The following UVSSA variants were observed in gnomAD, a reference collection of about 807,000 sequenced individuals.
UVSSA encodes the protein UV stimulated scaffold protein A.
Under a neutral mutation model 73.9 loss-of-function variants are expected in UVSSA, and 72 were observed. The ratio of observed to expected loss-of-function variants is 0.97; its 90% CI spans 0.81 to 1.19. The LOEUF is 1.19. UVSSA is among the 50% of genes most tolerant of loss of function. The pLI is 0.00. For synonymous variants in UVSSA, 454 were observed against 391.3 expected (o/e 1.16, Z -1.89); for missense variants, 1,150 against 965.0 (o/e 1.19, Z -2.54).
chr4:1,349,040 G>GC (rs532133310), intron 2 of UVSSA, among the ~76,000 whole-genome samples: 44,218 of 139,500 alleles, frequency 0.32, 7,074 homozygotes, highest in Non-Finnish European at 0.39. Flanking sequence ...CAGGCGGTGT[G>GC]TGTTTGTGCC....
intron 7 of UVSSA, among the ~76,000 whole-genome samples, chr4:1,361,151 G>A (rs930763938): frequency 3.3e-5 from 5 of 152,312 alleles, no homozygotes; most frequent in Admixed American, 1.3e-4. Flanking sequence ...CTCTGGAATC[G>A]ACCTCCAGGT....
chr4:1,346,065 C>G (rs1244931063), upstream of UVSSA, among the ~76,000 whole-genome samples: 1 of 152,172 alleles, frequency 6.6e-6, no homozygotes, highest in Non-Finnish European at 1.5e-5. Context: ...TGGCTGCAAG[C>G]TAGGAGCTGG....
At chr4:1,385,690 C>A in intron 13 of UVSSA, 178 bp from the exon 14 acceptor site, 1 of 644,634 alleles carries the variant, frequency 1.6e-6, no homozygotes. Context: ...TGTCTCGGGC[C>A]AGGGCCAAGG....
downstream of UVSSA, chr4:1,389,300 A>T (rs1720346785): frequency 6.6e-6 from 1 of 152,124 alleles, no homozygotes; most frequent in African/African-American, 2.4e-5. Context: ...GGCCCAAGTG[A>T]TCCTCCCACC....
chr4:1,380,275 G>A (rs1451123567), intron 11 of UVSSA, 45 bp downstream of exon 11: 2 of 1,578,628 alleles, frequency 1.3e-6, no homozygotes, highest in Admixed American at 1.7e-5. Context: ...GGCTGGACCA[G>A]GTGGGGCAGC....
chr4:1,355,437 G>A (rs1265829534), intron 7 of UVSSA, among the ~76,000 whole-genome samples, 192 bp downstream of exon 7: 6 of 152,250 alleles, frequency 3.9e-5, no homozygotes, highest in African/African-American at 1.4e-4. Flanking sequence ...CATGGCAGAG[G>A]GGACAGTGCA....
chr4:1,353,118 G>A lies in UVSSA; in HGVS notation c.639G>A (p.Glu213=). Reference sequence around the variant, plus strand: ...CTTTTGACTTTGACCCGAACCCGGAGACGGAATCCCTTGGCATGGCTTCTG... The same window carrying A: ...CTTTTGACTTTGACCCGAACCCGGAAACGGAATCCCTTGGCATGGCTTCTG... ...LVPFDFDPNP[E]TESLGMASGM... is the part of the protein sequence containing the mutation. Residue 213 remains glutamate (E), a synonymous_variant, in exon 5 of 14, where the codon GAG becomes GAA. Transcript: ENST00000389851. The A allele has an allele frequency of 6.2e-7, 1 of 1,613,088 alleles. No individual in the cohort carries two copies. The highest frequency in any genetic ancestry group is 1.7e-5 in the Admixed American group (1 of 60,028).
chr4:1,393,243 T>C (rs528025073), exon 14 of UVSSA: 27 of 152,380 alleles, frequency 1.8e-4, no homozygotes, highest in African/African-American at 5.8e-4. Context: ...ATTTCAGTTA[T>C]TGTACTTTTC....
chr4:1,387,585 T>C lies in UVSSA; in HGVS notation c.*1624T>C, dbSNP rs565895788. 2.0e-5 allele frequency: 3 copies of C among 152,208 alleles called. No individual in the cohort carries two copies. Among genetic ancestry groups the C allele is most frequent in the Non-Finnish European group, 2.9e-5 (2 of 68,030 alleles). The allele number at this position is 152,208 out of a possible 1,614,324, so 9.4% of individuals were successfully genotyped here. ...CTAATAAGCATTTTATAATTTCAGC[T>C]CTTATGTGTAGATCTTTGATCCATT... On this transcript the variant is annotated 3_prime_UTR_variant, in exon 14 of 14. Transcript: ENST00000389851.
At chr4:1,365,967 A>C (rs1717265507) in intron 7 of UVSSA, 1 of 171,834 alleles carries the variant, frequency 5.8e-6, no homozygotes, top group Non-Finnish European at 1.2e-5. Context: ...GTGGGAAGAT[A>C]ACTCCCCTAA....
chr4:1,374,576 G>A lies in UVSSA; in HGVS notation c.1289-788G>A, dbSNP rs111429611. On this transcript the variant is annotated intron_variant, in intron 8 of 13. Coordinates refer to ENST00000389851, the MANE Select transcript of UVSSA (RefSeq NM_020894.4). Reference sequence around the variant, plus strand: ...CTCGTCCCTGTCATCTCTGTGGGACGTTGGTGAGACGCAGCGCCATGGCCT... The same window carrying A: ...CTCGTCCCTGTCATCTCTGTGGGACATTGGTGAGACGCAGCGCCATGGCCT... Among the ~76,000 whole-genome samples, 382 of 152,356 alleles carry A rather than the reference G, an allele frequency of 2.5e-3. 1 individual carries two copies. Among genetic ancestry groups the A allele is most frequent in the South Asian group, 4.6e-3 (22 of 4,832 alleles).
chr4:1,388,598 T>C (rs1044455132), downstream of UVSSA: 7 of 152,240 alleles, frequency 4.6e-5, no homozygotes, highest in Non-Finnish European at 8.8e-5. Context: ...CAATGCAGTT[T>C]TGTGTAGATG....
intron 8 of UVSSA, among the ~76,000 whole-genome samples, chr4:1,367,429 C>A (rs149059247): frequency 6.6e-6 from 1 of 152,090 alleles, no homozygotes; most frequent in Non-Finnish European, 1.5e-5. Flanking sequence ...GTTAAGAGAA[C>A]TTAGATGATT....
Position 1,362,831 on chromosome 4 carries a change from G to C in UVSSA, c.1177-3489G>C, listed in dbSNP as rs534806749. ...GGCTCCGTGCGCTTCGAGGCCTCGG[G>C]GAGCTCTGTCCCTGGTGACCACGCC... On this transcript the variant is annotated intron_variant, in intron 7 of 13. Transcript: ENST00000389851. Among the ~76,000 whole-genome samples the C allele has an allele frequency of 5.9e-5, 9 of 152,290 alleles. No individual in the cohort carries two copies. The East Asian group carries it at 1.7e-3, about 30-fold the overall frequency.
chr4:1,377,958 C>T, intron 10 of UVSSA, among the ~76,000 whole-genome samples: 1 of 152,226 alleles, frequency 6.6e-6, no homozygotes, highest in Non-Finnish European at 1.5e-5. Flanking sequence ...GGAGATGGCA[C>T]CTGGGTGCCA....
At chr4:1,360,968 A>AG (rs1330465167) in intron 7 of UVSSA, among the ~76,000 whole-genome samples, 2 of 152,224 alleles carry the variant, frequency 1.3e-5, no homozygotes, top group Non-Finnish European at 2.9e-5. Context: ...TGTGGGACCC[A>AG]GGGGCAAACA....
chr4:1,375,873 C>T (rs1219792876), intron 9 of UVSSA, among the ~76,000 whole-genome samples, 161 bp from the exon 10 acceptor site: 2 of 152,374 alleles, frequency 1.3e-5, no homozygotes, highest in East Asian at 3.9e-4. Flanking sequence ...TCTCACAGGA[C>T]CTCAGCGGTG....
chr4:1,346,702 G>T (rs994591122), upstream of UVSSA, among the ~76,000 whole-genome samples: 1 of 152,008 alleles, frequency 6.6e-6, no homozygotes, highest in African/African-American at 2.4e-5. Flanking sequence ...CCGTCTGGGC[G>T]GTCCTCACCG....
Position 1,385,973 on chromosome 4 carries a change from C to T in UVSSA, c.*12C>T, listed in dbSNP as rs1720077372. 1 of 1,613,624 alleles carries T rather than the reference C, an allele frequency of 6.2e-7. No homozygotes were observed. Among genetic ancestry groups the T allele is most frequent in the Non-Finnish European group, 8.5e-7 (1 of 1,179,890 alleles). Reference sequence around the variant, plus strand: ...ACGCACTGAACTAGAGAGCGGGGCCCAGTGCACTGGCCATCAGCACTTTCT... The same window carrying T: ...ACGCACTGAACTAGAGAGCGGGGCCTAGTGCACTGGCCATCAGCACTTTCT... On this transcript the variant is annotated 3_prime_UTR_variant, in exon 14 of 14. Transcript: ENST00000389851.
Sources: gnomAD v4.1 joint callset for allele counts (sites outside exome capture counted in the v4.1 genomes callset) on GRCh38, gnomAD v4.1.1 for gene constraint, MANE v1.5 for transcripts, NCBI Gene and HGNC (gene_info 2026-07-23, HGNC 2026-07-21) for gene names.